Variants in PCDH9 observed in about 807,000 individuals in gnomAD.
PCDH9 encodes protocadherin 9, also known as protocadherin-9.
PCDH9 carries 24 observed loss-of-function variants against 70.6 expected under a neutral mutation model. The observed-to-expected ratio is 0.34, with a 90% CI of 0.25 to 0.48. The LOEUF (loss-of-function observed/expected upper bound fraction) is 0.48. Among genes scored for constraint, PCDH9 ranks in the 20% least tolerant of loss-of-function variants. The pLI, the probability that PCDH9 is intolerant of heterozygous loss-of-function variation, is 0.99. For missense variants in PCDH9, 1,281 were observed against 1,503.6 expected, an observed-to-expected ratio of 0.85 and a Z score of 2.45; for synonymous variants, 562 against 558.5, an observed-to-expected ratio of 1.01 and a Z score of -0.09.
intron 3 of PCDH9, among the ~76,000 whole-genome samples, chr13:66,871,576 A>G (rs572496108): frequency 6.6e-6 from 1 of 152,154 alleles, no homozygotes; most frequent in African/African-American, 2.4e-5. Flanking sequence ...CTTATTAATT[A>G]TCACTTTTTG....
At chr13:66,749,381 T>A (rs1464661909) in intron 3 of PCDH9, among the ~76,000 whole-genome samples, 2 of 152,108 alleles carry the variant, frequency 1.3e-5, no homozygotes, top group Non-Finnish European at 2.9e-5. Flanking sequence ...TAACAACAAA[T>A]ACTACATCAT....
At chr13:66,445,817 CA>C (rs918673589) in intron 4 of PCDH9, among the ~76,000 whole-genome samples, 2 of 103,842 alleles carry the variant, frequency 1.9e-5, no homozygotes, top group African/African-American at 2.9e-5. Flanking sequence ...ATTATATATA[CA>C]CATATATACA....
At chr13:66,805,728 A>G (rs1360078606) in intron 3 of PCDH9, among the ~76,000 whole-genome samples, 2 of 152,214 alleles carry the variant, frequency 1.3e-5, no homozygotes, top group East Asian at 3.8e-4. Flanking sequence ...ATGTCCTCAT[A>G]TCAAGATGAT....
At chr13:66,606,319 T>C (rs1255245128) in intron 4 of PCDH9, among the ~76,000 whole-genome samples, 1 of 152,098 alleles carries the variant, frequency 6.6e-6, no homozygotes, top group African/African-American at 2.4e-5. Context: ...GCCTCCTGTG[T>C]GTAGGCATAG....
chr13:66,855,881 A>G (rs541989944), intron 3 of PCDH9, among the ~76,000 whole-genome samples: 1 of 152,118 alleles, frequency 6.6e-6, no homozygotes, highest in East Asian at 1.9e-4. Flanking sequence ...TTTATCATGG[A>G]TAAGATCTAT....
At chr13:67,205,620 A>C (rs768886946) in intron 2 of PCDH9, 5 of 152,206 alleles carry the variant, frequency 3.3e-5, no homozygotes, top group Non-Finnish European at 4.4e-5. Flanking sequence ...AACTGTACTC[A>C]TGAAAGTGAT....
chr13:66,713,624 T>TATATATATATAAA, intron 3 of PCDH9, among the ~76,000 whole-genome samples: 1 of 12,658 alleles, frequency 7.9e-5, no homozygotes, highest in Non-Finnish European at 2.2e-4. Flanking sequence ...TGTGTGTGTG[T>TATATATATATAAA]GTATATATAT....
At chr13:66,762,189 C>T (rs2139252573) in intron 3 of PCDH9, among the ~76,000 whole-genome samples, 1 of 152,162 alleles carries the variant, frequency 6.6e-6, no homozygotes, top group South Asian at 2.1e-4. Flanking sequence ...GAGGCTTTCA[C>T]ATTGCCAGGG....
At chr13:66,383,701 A>G (rs1244801723) in intron 4 of PCDH9, among the ~76,000 whole-genome samples, 1 of 152,222 alleles carries the variant, frequency 6.6e-6, no homozygotes, top group East Asian at 1.9e-4. Flanking sequence ...CTATACTCTC[A>G]TTTTTCTCAT....
intron 2 of PCDH9, among the ~76,000 whole-genome samples, chr13:67,053,392 G>T (rs1387181503): frequency 6.6e-6 from 1 of 152,138 alleles, no homozygotes; most frequent in African/African-American, 2.4e-5. Flanking sequence ...ACAGCAAAGT[G>T]TCATAGAATA....
chr13:66,965,281 CT>C (rs1164313405), intron 2 of PCDH9, among the ~76,000 whole-genome samples: 14 of 152,154 alleles, frequency 9.2e-5, no homozygotes, highest in African/African-American at 3.4e-4. Flanking sequence ...ATTATAGGAG[CT>C]TATTCTTTTA....
intron 3 of PCDH9, among the ~76,000 whole-genome samples, chr13:66,754,596 A>G (rs960584497): frequency 7.2e-5 from 11 of 152,134 alleles, no homozygotes; most frequent in Admixed American, 6.6e-4. Flanking sequence ...ACGCTATAGG[A>G]ATTCTGAATT....
intron 4 of PCDH9, among the ~76,000 whole-genome samples, chr13:66,321,972 T>A (rs1955763781): frequency 6.6e-6 from 1 of 151,896 alleles, no homozygotes; most frequent in African/African-American, 2.4e-5. Context: ...TCATAAACTT[T>A]ATTAAATTTA....
At chr13:66,843,286 T>A (rs948171355) in intron 3 of PCDH9, among the ~76,000 whole-genome samples, 2 of 152,162 alleles carry the variant, frequency 1.3e-5, no homozygotes, top group African/African-American at 4.8e-5. Flanking sequence ...TATCTGCCTT[T>A]ACTAGTTAAA....
intron 2 of PCDH9, among the ~76,000 whole-genome samples, chr13:67,155,251 C>A (rs527616793): frequency 6.6e-6 from 1 of 152,274 alleles, no homozygotes; most frequent in South Asian, 2.1e-4. Flanking sequence ...ATTTCCAAAT[C>A]TTTCAGGTTT....
intron 4 of PCDH9, among the ~76,000 whole-genome samples, chr13:66,575,116 T>C (rs974918367): frequency 4.7e-5 from 7 of 150,068 alleles, no homozygotes; most frequent in Non-Finnish European, 8.9e-5. Flanking sequence ...GAGGTTGTGG[T>C]GAGCCGAGAT....
At chr13:66,468,258 G>T (rs1048843722) in intron 4 of PCDH9, among the ~76,000 whole-genome samples, 1 of 151,948 alleles carries the variant, frequency 6.6e-6, no homozygotes, top group African/African-American at 2.4e-5. Context: ...CACATTACCT[G>T]CAATCTGTCA....
At chr13:66,605,172 TTG>T (rs2077208485) in intron 4 of PCDH9, among the ~76,000 whole-genome samples, 1 of 151,972 alleles carries the variant, frequency 6.6e-6, no homozygotes, top group African/African-American at 2.4e-5. Flanking sequence ...TGAACTGAAG[TTG>T]TTGGTAGATT....
intron 4 of PCDH9, among the ~76,000 whole-genome samples, chr13:66,588,224 G>A (rs888073409): frequency 4.0e-5 from 6 of 151,770 alleles, no homozygotes; most frequent in African/African-American, 1.5e-4. Flanking sequence ...ACCCCCTGAT[G>A]GTGCTTAACA....
Sources: gnomAD v4.1 joint callset for allele counts (sites outside exome capture counted in the v4.1 genomes callset) on GRCh38, gnomAD v4.1.1 for gene constraint, MANE v1.5 for transcripts, NCBI Gene and HGNC (gene_info 2026-07-23, HGNC 2026-07-21) for gene names.